Variants in ST18 observed in about 807,000 individuals in gnomAD.
ST18 encodes ST18 C2H2C-type zinc finger transcription factor.
In ST18, 50 loss-of-function variants were observed where a neutral mutation model predicts 110.0. The observed-to-expected ratio is 0.45, with a 90% confidence interval of 0.36 to 0.58. The LOEUF is 0.58. Ranked by LOEUF, ST18 falls within the 20% of genes least tolerant of loss-of-function variation. The pLI, the probability that ST18 is intolerant of heterozygous loss-of-function variation, is 0.00. For missense variants in ST18, 1,306 were observed against 1,280.1 expected (o/e 1.02, Z -0.31); for synonymous variants, 461 against 452.4 (o/e 1.02, Z -0.24).
intron 15 of ST18, among the ~76,000 whole-genome samples, chr8:52,154,148 C>T (rs1055428805): frequency 5.3e-5 from 8 of 152,148 alleles, no homozygotes; most frequent in Middle Eastern, 3.2e-3. Context: ...GACCCAAGAC[C>T]GTCATAACAT....
At chr8:52,314,863 C>A (rs773324240) in intron 2 of ST18, among the ~76,000 whole-genome samples, 64 of 152,160 alleles carry the variant, frequency 4.2e-4, no homozygotes, top group Non-Finnish European at 4.6e-4. Flanking sequence ...GGAGAGACTC[C>A]TGCCCTGACA....
At chr8:52,135,947 T>C (rs1325471105) in intron 19 of ST18, among the ~76,000 whole-genome samples, 1 of 152,214 alleles carries the variant, frequency 6.6e-6, no homozygotes, top group Non-Finnish European at 1.5e-5. Flanking sequence ...ATCCTATTTC[T>C]TTATCTTTTA....
intron 2 of ST18, among the ~76,000 whole-genome samples, chr8:52,272,551 CA>C (rs1290047548): frequency 7.0e-6 from 1 of 142,862 alleles, no homozygotes; most frequent in Non-Finnish European, 1.5e-5. Context: ...CGATTATAGA[CA>C]ACAACAAAAA....
At position 52,131,942 on chromosome 8, in the gene ST18, A is replaced by C. The variant is rs771074651; in HGVS notation, c.2666+16T>G. On this transcript the variant is annotated intron_variant, in intron 22 of 25. Transcript: ENST00000689386. ...GATCACAACACTACAACAAAAAGAC[A>C]GAAAACTCATGTTACCTTCGGTGGG... The C allele has an allele frequency of 8.7e-6, 14 of 1,613,058 alleles. No individual in the cohort carries two copies. The highest frequency in any genetic ancestry group is 1.1e-5 in the Non-Finnish European group (13 of 1,179,428).
rs1172620781 is a variant in ST18 at position 52,209,770 on chromosome 8, C to CAAA, written c.86+2306_86+2308dup. On this transcript the variant is annotated intron_variant, in intron 8 of 25. Transcript: ENST00000689386. The stretch of plus-strand genomic sequence containing the variant: ...GGGCAACAAGAGCGAAACTCCATCT[C>CAAA]AAAAAAAAAAAAAAAAAAATATATA... 3.2e-4 allele frequency among the ~76,000 whole-genome samples: 23 copies of CAAA among 71,822 alleles called. 1 individual carries two copies. The highest frequency in any genetic ancestry group is 3.7e-4 in the African/African-American group (8 of 21,582). The allele number at this position is 71,822 out of a possible 152,430, so 47.1% of individuals were successfully genotyped here.
At chr8:52,157,370 C>G (rs1418304172) in intron 15 of ST18, among the ~76,000 whole-genome samples, 1 of 151,964 alleles carries the variant, frequency 6.6e-6, no homozygotes, top group Non-Finnish European at 1.5e-5. Flanking sequence ...TTCAGTAACA[C>G]CAATAATTAT....
chr8:52,349,937 G>A (rs1048777089), intron 2 of ST18, among the ~76,000 whole-genome samples: 121 of 152,236 alleles, frequency 7.9e-4, no homozygotes, highest in African/African-American at 2.7e-3. Flanking sequence ...TTTTGAGATA[G>A]GCACACTTGT....
chr8:52,302,983 C>T (rs2095753290), intron 2 of ST18, among the ~76,000 whole-genome samples: 1 of 152,118 alleles, frequency 6.6e-6, no homozygotes. Flanking sequence ...CTTACCTAGT[C>T]TCAAAGGACC....
At chr8:52,169,703 A>G (rs1352064163) in intron 10 of ST18, among the ~76,000 whole-genome samples, 1 of 152,188 alleles carries the variant, frequency 6.6e-6, no homozygotes, top group African/African-American at 2.4e-5. Flanking sequence ...CACATCGGGA[A>G]CAAGGAATAG....
chr8:52,161,729 C>T (rs574718051), intron 13 of ST18, among the ~76,000 whole-genome samples, 161 bp from the exon 14 acceptor site: 1 of 152,274 alleles, frequency 6.6e-6, no homozygotes, highest in South Asian at 2.1e-4. Flanking sequence ...GAGCAGCATG[C>T]TCCGGACCCA....
chr8:52,133,105 C>T lies in ST18; in HGVS notation c.2396G>A (p.Gly799Asp). The T allele has an allele frequency of 1.2e-6, 2 of 1,614,154 alleles. No individual in the cohort carries two copies. The highest frequency in any genetic ancestry group is 2.2e-5 in the East Asian group (1 of 44,888). The change falls in exon 21 of 26, where the codon GGT (glycine) becomes GAT (aspartate). Residue 799 changes from glycine to aspartate, a missense_variant. By Grantham distance (94) the Gly-to-Asp change is moderately conservative. Transcript: ENST00000689386. Reference sequence around the variant, plus strand: ...TTCCTTGGTAGGGGTCATTTTGACACCACCTTTCCTTGCACGAGGGCATCC... The same window carrying T: ...TTCCTTGGTAGGGGTCATTTTGACATCACCTTTCCTTGCACGAGGGCATCC... The part of the protein sequence containing the change: ...LSGCPRARKG[G>D]VKMTPTKEEK...
intron 2 of ST18, among the ~76,000 whole-genome samples, chr8:52,248,251 C>T (rs2138105641): frequency 6.6e-6 from 1 of 152,266 alleles, no homozygotes; most frequent in Non-Finnish European, 1.5e-5. Context: ...CTGATTTCTA[C>T]ACAGAGTTTT....
In ST18 at chr8:52,172,482, C is replaced by G; in HGVS notation, c.379G>C (p.Val127Leu). The change falls in exon 10 of 26, where the codon GTC (valine) becomes CTC (leucine). Residue 127 changes from valine to leucine, a missense_variant. Transcript: ENST00000689386. ...DRYSCYQELM[V>L]KSLMHLGKFE... Reference sequence around the variant, plus strand: ...TTCCCCAAGTGCATTAAAGACTTGACCATGAGCTCTTGATAACAAGAGTAT... The same window carrying G: ...TTCCCCAAGTGCATTAAAGACTTGAGCATGAGCTCTTGATAACAAGAGTAT... The G allele has an allele frequency of 1.2e-6, 2 of 1,613,724 alleles. No individual in the cohort carries two copies.
intron 8 of ST18, chr8:52,201,250 A>T (rs16917445): frequency 6.6e-6 from 1 of 152,174 alleles, no homozygotes; most frequent in African/African-American, 2.4e-5. Flanking sequence ...CTGATCTTCC[A>T]GGACAGACTG....
At chr8:52,297,213 C>A (rs2095649469) in intron 2 of ST18, among the ~76,000 whole-genome samples, 1 of 152,184 alleles carries the variant, frequency 6.6e-6, no homozygotes, top group South Asian at 2.1e-4. Flanking sequence ...AGGCTCAGAG[C>A]CCAGCTCCCC....
intron 2 of ST18, among the ~76,000 whole-genome samples, chr8:52,293,691 T>C (rs1309705464): frequency 6.6e-6 from 1 of 152,196 alleles, no homozygotes; most frequent in African/African-American, 2.4e-5. Context: ...TTCTGTGAAA[T>C]TTGATTGAGC....
At chr8:52,282,777 C>T (rs1405706749) in intron 2 of ST18, among the ~76,000 whole-genome samples, 8 of 152,078 alleles carry the variant, frequency 5.3e-5, no homozygotes, top group African/African-American at 1.9e-4. Context: ...ACAACACCTG[C>T]CACTTAGGGA....
chr8:52,385,323 C>T (rs188084759), intron 2 of ST18, among the ~76,000 whole-genome samples: 5 of 152,250 alleles, frequency 3.3e-5, no homozygotes, highest in East Asian at 1.9e-4. Context: ...AACGACAAAG[C>T]ACACATAAGA....
chr8:52,372,001 C>G (rs959871310), intron 2 of ST18, among the ~76,000 whole-genome samples: 1 of 152,144 alleles, frequency 6.6e-6, no homozygotes, highest in Non-Finnish European at 1.5e-5. Flanking sequence ...AAAAAGTTAA[C>G]TACATAATAG....
Sources: allele counts gnomAD v4.1 joint callset (sites outside exome capture counted in the v4.1 genomes callset), GRCh38; gene constraint gnomAD v4.1.1; transcripts MANE v1.5; gene names NCBI Gene and HGNC (gene_info 2026-07-23, HGNC 2026-07-21).